GLI2: variants seen among roughly 807,000 people sequenced by gnomAD.
The protein encoded by GLI2 is transcription activator GLI2.
In GLI2, 22 loss-of-function variants were observed where a neutral mutation model predicts 78.9. That is an observed-to-expected ratio of 0.28 (90% CI 0.20 to 0.40). The LOEUF (loss-of-function observed/expected upper bound fraction) is 0.40. GLI2 is among the 10% of genes least tolerant of loss of function. GLI2 has a pLI of 1.00. For missense variants in GLI2, 2,097 were observed against 2,213.2 expected, an observed-to-expected ratio of 0.95 and a Z score of 1.05; for synonymous variants, 974 against 963.7, an observed-to-expected ratio of 1.01 and a Z score of -0.20.
chr2:120,770,153 G>A (rs1683482984), intron 1 of GLI2, among the ~76,000 whole-genome samples: 1 of 152,148 alleles, frequency 6.6e-6, no homozygotes. Flanking sequence ...TGAACACCTC[G>A]GTGGCCCCAT....
intron 2 of GLI2, among the ~76,000 whole-genome samples, chr2:120,812,543 G>A (rs567462197): frequency 2.0e-5 from 3 of 152,148 alleles, no homozygotes; most frequent in African/African-American, 4.8e-5. Flanking sequence ...CACCATGGGG[G>A]ACCTGAGGCC....
chr2:120,860,405 C>T (rs1266716143), intron 2 of GLI2, among the ~76,000 whole-genome samples: 2 of 152,190 alleles, frequency 1.3e-5, no homozygotes, highest in Non-Finnish European at 1.5e-5. Flanking sequence ...TTCTCTCAGG[C>T]CCCCAACACA....
At chr2:120,812,907 T>A (rs1392523614) in intron 2 of GLI2, among the ~76,000 whole-genome samples, 7 of 152,160 alleles carry the variant, frequency 4.6e-5, no homozygotes, top group Non-Finnish European at 1.5e-5. Flanking sequence ...GCGAGAGTCT[T>A]CTCTTCTTTC....
At position 120,989,166 on chromosome 2, in the gene GLI2, G is replaced by A. The variant is rs774226078; in HGVS notation, c.3201G>A (p.Gln1067=). 1.2e-6 allele frequency: 2 copies of A among 1,613,232 alleles called. No individual in the cohort carries two copies. The highest frequency in any genetic ancestry group is 2.2e-5 in the East Asian group (1 of 44,880). The change falls in exon 14 of 14, where the codon CAG becomes CAA. Residue 1067 remains glutamine, a synonymous_variant. Transcript: ENST00000361492. ...ASGALDEGTG[Q]VYPTESTGFS... ...GCGCTCTGGACGAGGGCACCGGGCAGGTGTATCCCACGGAAAGCACTGGCT... is the reference window on the plus strand; with the variant it reads ...GCGCTCTGGACGAGGGCACCGGGCAAGTGTATCCCACGGAAAGCACTGGCT...
At chr2:120,783,138 T>A (rs1369662847) in intron 1 of GLI2, among the ~76,000 whole-genome samples, 1 of 152,174 alleles carries the variant, frequency 6.6e-6, no homozygotes, top group African/African-American at 2.4e-5. Flanking sequence ...AGCTTTACAA[T>A]AATCAGCTCT....
At chr2:120,874,192 G>T (rs374972780) in intron 2 of GLI2, among the ~76,000 whole-genome samples, 1 of 152,260 alleles carries the variant, frequency 6.6e-6, no homozygotes, top group Non-Finnish European at 1.5e-5. Flanking sequence ...CGGTCTGTGC[G>T]GGCTCCGTGG....
intron 1 of GLI2, among the ~76,000 whole-genome samples, chr2:120,763,176 G>A (rs760680597): frequency 9.2e-5 from 14 of 152,154 alleles, no homozygotes; most frequent in Non-Finnish European, 1.8e-4. Context: ...CCTTTCTTGT[G>A]CCTCCCTCTC....
At chr2:120,896,504 G>A (rs543707712) in intron 2 of GLI2, among the ~76,000 whole-genome samples, 1 of 152,278 alleles carries the variant, frequency 6.6e-6, no homozygotes, top group African/African-American at 2.4e-5. Flanking sequence ...TCTGAAGGGT[G>A]AAACTCTGAA....
At chr2:120,947,552 G>A (rs1680771105) in intron 3 of GLI2, among the ~76,000 whole-genome samples, 1 of 152,150 alleles carries the variant, frequency 6.6e-6, no homozygotes, top group Admixed American at 6.5e-5. Flanking sequence ...GATGGCCAGT[G>A]GGCCTGTCTC....
intron 2 of GLI2, among the ~76,000 whole-genome samples, chr2:120,853,090 A>C (rs963653746): frequency 6.6e-6 from 1 of 152,188 alleles, no homozygotes; most frequent in African/African-American, 2.4e-5. Flanking sequence ...CTGTCTCTGC[A>C]AGGCGAGTGA....
intron 2 of GLI2, among the ~76,000 whole-genome samples, chr2:120,899,001 G>A (rs541710841): frequency 5.9e-5 from 9 of 152,258 alleles, no homozygotes; most frequent in East Asian, 5.8e-4. Flanking sequence ...AAGGGTCTGC[G>A]GTGGAGTCCT....
intron 1 of GLI2, among the ~76,000 whole-genome samples, chr2:120,776,050 C>G (rs1395071818): frequency 6.6e-6 from 1 of 152,260 alleles, no homozygotes; most frequent in Non-Finnish European, 1.5e-5. Flanking sequence ...AGGGCCCCAG[C>G]TAGCCCTCTG....
chr2:120,962,898 A>G (rs1329343367), intron 5 of GLI2, among the ~76,000 whole-genome samples: 1 of 152,168 alleles, frequency 6.6e-6, no homozygotes, highest in African/African-American at 2.4e-5. Flanking sequence ...CTTACTTTAT[A>G]TCATGTTAGG....
intron 1 of GLI2, among the ~76,000 whole-genome samples, chr2:120,796,599 G>A (rs1274282333): frequency 1.3e-5 from 2 of 152,164 alleles, no homozygotes; most frequent in South Asian, 2.1e-4. Context: ...GCGCTGCCCC[G>A]CTGTGCCCCT....
chr2:120,949,814 C>T (rs4848658), intron 3 of GLI2, among the ~76,000 whole-genome samples: 120,235 of 152,210 alleles, frequency 0.79, 52,357 homozygotes, highest in East Asian at 1. Flanking sequence ...GATGTGAGGA[C>T]ATCTGGATGT....
intron 1 of GLI2, 58 bp from the exon 2 acceptor site, chr2:120,797,233 G>A: frequency 1.5e-6 from 2 of 1,351,114 alleles, no homozygotes; most frequent in East Asian, 2.3e-5. Flanking sequence ...ATCTGGGTCG[G>A]CGTTTCCCGG....
chr2:120,927,005 G>A (rs559115114), intron 2 of GLI2, among the ~76,000 whole-genome samples: 17 of 152,350 alleles, frequency 1.1e-4, no homozygotes, highest in Non-Finnish European at 2.1e-4. Flanking sequence ...AGCCAGGGCC[G>A]GCATGGGCAG....
intron 3 of GLI2, among the ~76,000 whole-genome samples, chr2:120,934,119 A>C (rs1227479733): frequency 6.6e-6 from 1 of 152,210 alleles, no homozygotes; most frequent in Non-Finnish European, 1.5e-5. Context: ...TTTGGGGACC[A>C]CTGCAGGCGC....
chr2:120,875,180 C>CAGG (rs1688674155), intron 2 of GLI2, among the ~76,000 whole-genome samples: 1 of 152,206 alleles, frequency 6.6e-6, no homozygotes, highest in Non-Finnish European at 1.5e-5. Context: ...TAAGCTGGGA[C>CAGG]CTGGGGACAG....
Sources: gnomAD v4.1 joint callset for allele counts (sites outside exome capture counted in the v4.1 genomes callset) on GRCh38, gnomAD v4.1.1 for gene constraint, MANE v1.5 for transcripts, NCBI Gene and HGNC (gene_info 2026-07-23, HGNC 2026-07-21) for gene names.